The following ARB2A variants were observed in gnomAD, a reference collection of about 807,000 sequenced individuals.
ARB2A encodes ARB2 cotranscriptional regulator A, also known as cotranscriptional regulator ARB2A.
chr5:93,817,002 T>C, the ARB2A span, among the ~76,000 whole-genome samples: 1 of 151,782 alleles, frequency 6.6e-6, no homozygotes, highest in African/African-American at 2.4e-5. Flanking sequence ...TAAACATGCA[T>C]CCAGATTGAA....
At chr5:93,860,661 CT>C in the ARB2A span, 41 of 142,614 alleles carry the variant, frequency 2.9e-4, no homozygotes, top group African/African-American at 9.7e-4. Context: ...TTTTTTTTTT[CT>C]TTTTTTGTTT....
the ARB2A span, among the ~76,000 whole-genome samples, chr5:94,069,481 A>G: frequency 6.6e-6 from 1 of 152,198 alleles, no homozygotes; most frequent in African/African-American, 2.4e-5. Flanking sequence ...AAAACAATTA[A>G]CAGAATGAAG....
At chr5:93,996,454 G>C in the ARB2A span, among the ~76,000 whole-genome samples, 1 of 152,066 alleles carries the variant, frequency 6.6e-6, no homozygotes, top group Non-Finnish European at 1.5e-5. Context: ...CAGACAACCA[G>C]AGTGTTAAAC....
chr5:93,754,258 A>C, the ARB2A span, among the ~76,000 whole-genome samples: 1 of 152,214 alleles, frequency 6.6e-6, no homozygotes, highest in East Asian at 1.9e-4. Flanking sequence ...AGAGACAGAC[A>C]ATAAACTTCT....
At chr5:94,105,953 C>T in the ARB2A span, among the ~76,000 whole-genome samples, 1 of 151,884 alleles carries the variant, frequency 6.6e-6, no homozygotes, top group African/African-American at 2.4e-5. Context: ...AAACTGAACC[C>T]TTTCCTTTTA....
chr5:94,056,710 C>T, the ARB2A span, among the ~76,000 whole-genome samples: 1 of 152,130 alleles, frequency 6.6e-6, no homozygotes, highest in Admixed American at 6.5e-5. Context: ...GGAACTCAAA[C>T]AGATATACTT....
At chr5:93,896,960 A>G in the ARB2A span, among the ~76,000 whole-genome samples, 1 of 152,032 alleles carries the variant, frequency 6.6e-6, no homozygotes, top group Non-Finnish European at 1.5e-5. Context: ...CCAAGAAGTG[A>G]TTAGAGCATC....
the ARB2A span, among the ~76,000 whole-genome samples, chr5:93,751,682 A>C: frequency 6.6e-6 from 1 of 152,232 alleles, no homozygotes; most frequent in East Asian, 1.9e-4. Context: ...AGTTCATTTT[A>C]GTACCAAAGA....
the ARB2A span, among the ~76,000 whole-genome samples, chr5:94,005,005 A>G: frequency 9.2e-6 from 1 of 108,622 alleles, no homozygotes; most frequent in African/African-American, 3.8e-5. Flanking sequence ...CAGCAAAAAA[A>G]AAAAAAAAAA....
the ARB2A span, among the ~76,000 whole-genome samples, chr5:93,767,200 TC>T: frequency 6.6e-6 from 1 of 151,538 alleles, no homozygotes. Context: ...AAAGAAAAAA[TC>T]CCATCAACAA....
At chr5:93,969,884 G>T in the ARB2A span, among the ~76,000 whole-genome samples, 68 of 152,070 alleles carry the variant, frequency 4.5e-4, no homozygotes, top group African/African-American at 1.5e-3. Context: ...ATTTAAGGGG[G>T]TGGGGAAGAG....
chr5:93,826,470 T>G, the ARB2A span, among the ~76,000 whole-genome samples: 1 of 152,330 alleles, frequency 6.6e-6, no homozygotes, highest in African/African-American at 2.4e-5. Flanking sequence ...TTTCCTTCTG[T>G]ATGTACCACA....
chr5:94,086,546 T>C, the ARB2A span, among the ~76,000 whole-genome samples: 1 of 152,234 alleles, frequency 6.6e-6, no homozygotes, highest in East Asian at 1.9e-4. Context: ...ACTAGGTGAC[T>C]ATGTGTTTGG....
At chr5:93,896,238 A>T in the ARB2A span, among the ~76,000 whole-genome samples, 3 of 152,116 alleles carry the variant, frequency 2.0e-5, no homozygotes, top group African/African-American at 7.2e-5. Flanking sequence ...GAGATACTAC[A>T]GATTGAGCAT....
the ARB2A span, among the ~76,000 whole-genome samples, chr5:93,995,926 A>G: frequency 3.3e-5 from 5 of 152,188 alleles, no homozygotes; most frequent in South Asian, 4.1e-4. Flanking sequence ...AGTATTGGGT[A>G]TGTAGTTATC....
the ARB2A span, among the ~76,000 whole-genome samples, chr5:94,076,187 A>G: frequency 6.6e-6 from 1 of 152,300 alleles, no homozygotes; most frequent in Middle Eastern, 3.4e-3. Flanking sequence ...TGTCGCTTCA[A>G]CATTAAATAG....
At chr5:93,891,884 T>C in the ARB2A span, among the ~76,000 whole-genome samples, 1 of 152,184 alleles carries the variant, frequency 6.6e-6, no homozygotes, top group East Asian at 1.9e-4. Flanking sequence ...CATGTGCTCA[T>C]TTCATCTGCA....
At chr5:93,885,097 A>AT in the ARB2A span, among the ~76,000 whole-genome samples, 1 of 151,576 alleles carries the variant, frequency 6.6e-6, no homozygotes, top group Non-Finnish European at 1.5e-5. Flanking sequence ...AAATTGAATA[A>AT]TATCAACTTC....
At chr5:93,857,129 T>C in the ARB2A span, among the ~76,000 whole-genome samples, 1 of 152,130 alleles carries the variant, frequency 6.6e-6, no homozygotes, top group Non-Finnish European at 1.5e-5. Context: ...TGCTGTCTGA[T>C]CGTTCCTCTG....
Sources: allele counts gnomAD v4.1 joint callset (sites outside exome capture counted in the v4.1 genomes callset), GRCh38; gene constraint gnomAD v4.1.1; transcripts MANE v1.5; gene names NCBI Gene and HGNC (gene_info 2026-07-23, HGNC 2026-07-21).